The following SDK1 variants were observed in gnomAD, a reference collection of about 807,000 sequenced individuals.
SDK1 encodes protein sidekick-1.
In SDK1, 157 loss-of-function variants were observed where a neutral mutation model predicts 245.5. That is an observed-to-expected ratio of 0.64 (90% CI 0.56 to 0.73). SDK1 has a LOEUF of 0.73. SDK1 is among the 30% of genes least tolerant of loss of function. The pLI is 0.00. For synonymous variants in SDK1, 1,647 were observed against 1,278.5 expected, an observed-to-expected ratio of 1.29 and a Z score of -6.15; for missense variants, 3,583 against 3,002.3, an observed-to-expected ratio of 1.19 and a Z score of -4.52.
intron 14 of SDK1, among the ~76,000 whole-genome samples, chr7:4,000,099 C>G (rs928126839): frequency 1.8e-4 from 27 of 152,156 alleles, no homozygotes; most frequent in Admixed American, 1.8e-3. Context: ...TGGTCATTCC[C>G]GAATTGCTGA....
intron 1 of SDK1, among the ~76,000 whole-genome samples, chr7:3,345,731 T>C (rs1198561815): frequency 1.3e-5 from 2 of 152,210 alleles, no homozygotes; most frequent in African/African-American, 4.8e-5. Flanking sequence ...CTTTCCTGTT[T>C]CAGTGCTTCT....
chr7:4,144,631 A>G (rs1779829468), intron 28 of SDK1, among the ~76,000 whole-genome samples: 2 of 152,018 alleles, frequency 1.3e-5, no homozygotes, highest in South Asian at 4.2e-4. Flanking sequence ...TCGGTCGTTC[A>G]TGAACCAGAG....
intron 4 of SDK1, among the ~76,000 whole-genome samples, chr7:3,746,312 C>G (rs1779619144): frequency 6.6e-6 from 1 of 152,134 alleles, no homozygotes; most frequent in African/African-American, 2.4e-5. Flanking sequence ...TTTGATGGTA[C>G]AGGGTCTTAC....
chr7:3,533,265 G>A (rs1246731613), intron 1 of SDK1, among the ~76,000 whole-genome samples: 1 of 152,166 alleles, frequency 6.6e-6, no homozygotes, highest in Non-Finnish European at 1.5e-5. Flanking sequence ...GTGATGCTAA[G>A]TAAACAGTAC....
intron 1 of SDK1, among the ~76,000 whole-genome samples, chr7:3,381,205 G>A (rs768920478): frequency 3.3e-5 from 5 of 152,088 alleles, no homozygotes; most frequent in Non-Finnish European, 7.4e-5. Flanking sequence ...ATTCTCAAAG[G>A]GAACCAAGAA....
chr7:3,778,511 C>T (rs1458534107), intron 4 of SDK1, among the ~76,000 whole-genome samples: 1 of 152,194 alleles, frequency 6.6e-6, no homozygotes, highest in East Asian at 1.9e-4. Flanking sequence ...GTTTTTGTTT[C>T]ATCTAACAGT....
chr7:3,831,179 A>T (rs1213979339), intron 5 of SDK1, among the ~76,000 whole-genome samples: 1 of 152,230 alleles, frequency 6.6e-6, no homozygotes, highest in Admixed American at 6.5e-5. Context: ...AAGCAAAGTG[A>T]TGGTTATTGG....
intron 1 of SDK1, among the ~76,000 whole-genome samples, chr7:3,573,189 C>A (rs891218548): frequency 1.6e-4 from 24 of 152,000 alleles, no homozygotes; most frequent in Non-Finnish European, 2.9e-5. Flanking sequence ...GGAAGATTAC[C>A]CTGGTCTCAG....
chr7:3,580,405 A>G (rs1364551655), intron 1 of SDK1, among the ~76,000 whole-genome samples: 2 of 152,202 alleles, frequency 1.3e-5, no homozygotes, highest in Admixed American at 6.5e-5. Context: ...CTGCAGGGCT[A>G]CAGTAACCAG....
At chr7:3,608,911 T>G (rs1781504341) in intron 1 of SDK1, among the ~76,000 whole-genome samples, 1 of 152,212 alleles carries the variant, frequency 6.6e-6, no homozygotes, top group Admixed American at 6.5e-5. Context: ...GCCATGTATC[T>G]GGGAGGCTGT....
At chr7:4,115,818 A>G (rs544124210) in intron 25 of SDK1, among the ~76,000 whole-genome samples, 1 of 152,324 alleles carries the variant, frequency 6.6e-6, no homozygotes, top group Non-Finnish European at 1.5e-5. Context: ...CAGTAGAAAA[A>G]TTAATTAACT....
chr7:3,693,665 C>G (rs954131703), intron 4 of SDK1, among the ~76,000 whole-genome samples: 1 of 151,992 alleles, frequency 6.6e-6, no homozygotes, highest in Non-Finnish European at 1.5e-5. Flanking sequence ...TAATTGTTAT[C>G]TTTCTCTCTT....
chr7:3,861,562 C>A (rs960654030), intron 5 of SDK1, among the ~76,000 whole-genome samples: 2 of 152,266 alleles, frequency 1.3e-5, no homozygotes, highest in South Asian at 4.1e-4. Context: ...GAAAGCACGA[C>A]TCATTTCCAT....
At chr7:3,693,313 A>C (rs1784484998) in intron 4 of SDK1, among the ~76,000 whole-genome samples, 1 of 152,132 alleles carries the variant, frequency 6.6e-6, no homozygotes, top group Non-Finnish European at 1.5e-5. Flanking sequence ...CATTATTCCA[A>C]ATCCCTCTCG....
intron 1 of SDK1, among the ~76,000 whole-genome samples, chr7:3,560,209 C>G (rs1004642358): frequency 7.2e-5 from 11 of 152,182 alleles, no homozygotes; most frequent in African/African-American, 2.4e-4. Context: ...CTTGAATACC[C>G]TAGCGTATCT....
chr7:4,049,647 C>A (rs2128165852), intron 18 of SDK1, among the ~76,000 whole-genome samples, 184 bp downstream of exon 18: 1 of 152,326 alleles, frequency 6.6e-6, no homozygotes. Flanking sequence ...TTCAGAAATT[C>A]AAATTCCTAG....
intron 4 of SDK1, among the ~76,000 whole-genome samples, chr7:3,672,612 AATATAAT>A (rs1231848048): frequency 7.0e-6 from 1 of 142,010 alleles, no homozygotes; most frequent in Non-Finnish European, 1.5e-5. Context: ...ATATTTATAT[AATATAAT>A]ATATAATAAT....
At chr7:3,822,107 G>A (rs1487504700) in intron 5 of SDK1, among the ~76,000 whole-genome samples, 2 of 152,278 alleles carry the variant, frequency 1.3e-5, no homozygotes, top group East Asian at 1.9e-4. Context: ...GGTATTTGTC[G>A]ATTTTATTTG....
intron 1 of SDK1, among the ~76,000 whole-genome samples, chr7:3,364,121 C>T (rs1021583393): frequency 2.6e-5 from 4 of 152,060 alleles, no homozygotes; most frequent in African/African-American, 4.8e-5. Flanking sequence ...GTCTTTTATC[C>T]ATTTTCTAAC....
Sources: gnomAD v4.1 joint callset for allele counts (sites outside exome capture counted in the v4.1 genomes callset) on GRCh38, gnomAD v4.1.1 for gene constraint, MANE v1.5 for transcripts, NCBI Gene and HGNC (gene_info 2026-07-23, HGNC 2026-07-21) for gene names.